LDHC: variants seen among roughly 807,000 people sequenced by gnomAD.
LDHC encodes the protein L-lactate dehydrogenase C chain.
A neutral mutation model predicts 30.2 loss-of-function variants in LDHC; 20 were observed. That is an observed-to-expected ratio of 0.66 (90% CI 0.47 to 0.96). The LOEUF is 0.96. Ranked by LOEUF, LDHC falls within the 40% of genes least tolerant of loss-of-function variation. The pLI, the probability that LDHC is intolerant of heterozygous loss-of-function variation, is 0.00. For missense variants in LDHC, 362 were observed against 394.9 expected (o/e 0.92, Z 0.71); for synonymous variants, 139 against 132.7 (o/e 1.05, Z -0.32).
intron 3 of LDHC, among the ~76,000 whole-genome samples, chr11:18,427,288 G>A (rs933580135): frequency 2.0e-5 from 3 of 152,166 alleles, no homozygotes; most frequent in African/African-American, 4.8e-5. Context: ...CTGGGAGGCG[G>A]AGGTTGCAGT....
rs1398758294 is a variant in LDHC at position 18,412,752 on chromosome 11, T to C, written c.35T>C (p.Leu12Pro). ...STVKEQLIEK[L>P]IEDDENSQCK... is the part of the protein sequence containing the mutation. The stretch of plus-strand genomic sequence containing the variant: ...GTCAAGGAGCAGCTAATTGAGAAGC[T>C]AATTGAGGATGATGAAAACTCCCAG... The change falls in exon 2 of 8, where the codon CTA becomes CCA. Residue 12 changes from leucine (L) to proline (P), a missense_variant. Coordinates refer to ENST00000541669, the MANE Select transcript of LDHC (RefSeq NM_017448.5). 5.0e-6 allele frequency: 8 copies of C among 1,613,898 alleles called. No individual in the cohort carries two copies. In the South Asian group the frequency reaches 8.8e-5, roughly 18 times the overall value.
intron 7 of LDHC, 155 bp from the exon 8 acceptor site, chr11:18,450,808 G>T: frequency 3.6e-6 from 2 of 552,024 alleles, no homozygotes; most frequent in South Asian, 2.6e-5. Context: ...AGGACATAAG[G>T]ATGCTCTTGC....
chr11:18,416,807 A>T (rs1220211261), intron 3 of LDHC, among the ~76,000 whole-genome samples: 1 of 100,992 alleles, frequency 9.9e-6, no homozygotes, highest in Non-Finnish European at 2.0e-5. Context: ...CCCTCTACTC[A>T]CCTCCCCTAC....
chr11:18,445,340 C>A (rs1463987840), intron 6 of LDHC, among the ~76,000 whole-genome samples: 1 of 152,084 alleles, frequency 6.6e-6, no homozygotes, highest in South Asian at 2.1e-4. Flanking sequence ...AGGCATATAC[C>A]ACCACACCTG....
intron 7 of LDHC, chr11:18,450,096 G>A (rs1015317372): frequency 6.6e-6 from 1 of 151,592 alleles, no homozygotes; most frequent in African/African-American, 2.4e-5. Context: ...TTAATTTTTT[G>A]GGGGTATATT....
chr11:18,413,373 A>G (rs1866937044), intron 2 of LDHC, among the ~76,000 whole-genome samples: 2 of 150,284 alleles, frequency 1.3e-5, no homozygotes, highest in Admixed American at 1.3e-4. Context: ...ATGAGCCACC[A>G]CACCTGGCTG....
At chr11:18,424,911 G>C (rs982320480) in intron 3 of LDHC, among the ~76,000 whole-genome samples, 3 of 152,172 alleles carry the variant, frequency 2.0e-5, no homozygotes, top group Non-Finnish European at 4.4e-5. Context: ...GGGAGGCTGA[G>C]GCAGGAGAAT....
chr11:18,438,954 G>A (rs1457040197), intron 6 of LDHC, among the ~76,000 whole-genome samples: 3 of 152,098 alleles, frequency 2.0e-5, no homozygotes, highest in Non-Finnish European at 4.4e-5. Flanking sequence ...TATGATATTG[G>A]GAAATTACTT....
intron 5 of LDHC, among the ~76,000 whole-genome samples, chr11:18,436,481 G>GTTTTTTTTT (rs35976847): frequency 2.8e-5 from 3 of 108,184 alleles, no homozygotes; most frequent in Non-Finnish European, 5.2e-5. Context: ...ATAATACAAA[G>GTTTTTTTTT]TTTTTTTTTT....
At chr11:18,446,464 G>A (rs566676708) in intron 7 of LDHC, 131 bp downstream of exon 7, 261 of 678,322 alleles carry the variant, frequency 3.8e-4, no homozygotes, top group Non-Finnish European at 6.0e-4. Flanking sequence ...CTTGACCTCA[G>A]GTCAGGTCAA....
At chr11:18,425,482 G>A (rs902853524) in intron 3 of LDHC, among the ~76,000 whole-genome samples, 6 of 152,144 alleles carry the variant, frequency 3.9e-5, no homozygotes, top group Admixed American at 2.0e-4. Flanking sequence ...CCAGGTTCAA[G>A]TGATTGTCGT....
intron 5 of LDHC, among the ~76,000 whole-genome samples, chr11:18,435,843 A>G (rs541112036): frequency 6.6e-6 from 1 of 152,330 alleles, no homozygotes; most frequent in South Asian, 2.1e-4. Context: ...TTTCATATAA[A>G]TGAAATAATA....
At chr11:18,419,734 T>C (rs937280911) in intron 3 of LDHC, among the ~76,000 whole-genome samples, 19 of 152,198 alleles carry the variant, frequency 1.2e-4, no homozygotes, top group African/African-American at 4.3e-4. Flanking sequence ...CTTGAAAATA[T>C]CAGCATGAGA....
intron 7 of LDHC, chr11:18,450,593 C>T (rs946307687): frequency 4.2e-5 from 7 of 168,648 alleles, no homozygotes; most frequent in African/African-American, 7.2e-5. Context: ...ACTGTTGCCT[C>T]GATGTAGTTT....
rs1317959984 is a variant in LDHC, at chr11:18,447,911, TG to T, written c.834+1580del. Among the ~76,000 whole-genome samples the T allele has an allele frequency of 5.9e-5, 9 of 151,922 alleles. 1 individual carries two copies. In the East Asian group the frequency reaches 1.7e-3, roughly 29 times the overall value. On this transcript the variant is annotated intron_variant, in intron 7 of 7. Transcript: ENST00000541669. Reference sequence around the variant, plus strand: ...TAAAAATACAAAAATTAGCTGAGTATGGTGGTGCACGCCTGTAGTCCTAGCT... The same window carrying T: ...TAAAAATACAAAAATTAGCTGAGTATGTGGTGCACGCCTGTAGTCCTAGCT...
intron 4 of LDHC, among the ~76,000 whole-genome samples, chr11:18,431,318 G>C (rs2134059800): frequency 6.6e-6 from 1 of 151,656 alleles, no homozygotes; most frequent in East Asian, 2.0e-4. Flanking sequence ...AAATTAGCCG[G>C]GTGTGTGGTG....
chr11:18,443,949 A>T (rs1848507206), intron 6 of LDHC, among the ~76,000 whole-genome samples: 1 of 152,176 alleles, frequency 6.6e-6, no homozygotes, highest in Admixed American at 6.5e-5. Flanking sequence ...TTAGCAGAGG[A>T]TCTATAATTA....
At chr11:18,422,809 C>G (rs1472227218) in intron 3 of LDHC, among the ~76,000 whole-genome samples, 4 of 151,530 alleles carry the variant, frequency 2.6e-5, no homozygotes, top group East Asian at 3.9e-4. Flanking sequence ...ACGGTGAAAC[C>G]ATGTCTTTAC....
At chr11:18,435,261 T>C (rs1210516410) in intron 5 of LDHC, among the ~76,000 whole-genome samples, 1 of 152,132 alleles carries the variant, frequency 6.6e-6, no homozygotes, top group African/African-American at 2.4e-5. Context: ...TCATGTTGAA[T>C]TGTAATCCCC....
Sources: gnomAD v4.1 joint callset for allele counts (sites outside exome capture counted in the v4.1 genomes callset) on GRCh38, gnomAD v4.1.1 for gene constraint, MANE v1.5 for transcripts, NCBI Gene and HGNC (gene_info 2026-07-23, HGNC 2026-07-21) for gene names.